Variants in RUNDC3B observed in about 807,000 individuals in gnomAD.
RUNDC3B encodes RUN domain containing 3B, also known as RUN domain-containing protein 3B.
In RUNDC3B, 33 loss-of-function variants were observed where a neutral mutation model predicts 58.4. The observed-to-expected ratio is 0.56, with a 90% CI of 0.43 to 0.75. The LOEUF (loss-of-function observed/expected upper bound fraction) is 0.75. Among genes scored for constraint, RUNDC3B ranks in the 30% least tolerant of loss-of-function variants. The pLI is 0.00. For missense variants in RUNDC3B, 501 were observed against 535.7 expected, an observed-to-expected ratio of 0.94 and a Z score of 0.64; for synonymous variants, 193 against 195.2, an observed-to-expected ratio of 0.99 and a Z score of 0.10.
At chr7:87,755,460 A>G (rs563742612) in intron 6 of RUNDC3B, among the ~76,000 whole-genome samples, 21 of 152,208 alleles carry the variant, frequency 1.4e-4, no homozygotes, top group Non-Finnish European at 2.9e-4. Flanking sequence ...TCAGGCCAGT[A>G]TCCTTGATGA....
At chr7:87,772,840 A>C (rs1160551273) in intron 7 of RUNDC3B, among the ~76,000 whole-genome samples, 1 of 152,148 alleles carries the variant, frequency 6.6e-6, no homozygotes, top group Non-Finnish European at 1.5e-5. Context: ...AAAAATAATT[A>C]TAAAATTTAG....
chr7:87,703,037 T>G (rs887377872), intron 3 of RUNDC3B, among the ~76,000 whole-genome samples: 8 of 152,286 alleles, frequency 5.3e-5, no homozygotes, highest in African/African-American at 1.9e-4. Flanking sequence ...CAGAGTAGCT[T>G]TATTATTTTG....
intron 2 of RUNDC3B, among the ~76,000 whole-genome samples, chr7:87,653,749 G>C (rs1323881162): frequency 6.6e-6 from 1 of 151,568 alleles, no homozygotes; most frequent in African/African-American, 2.4e-5. Flanking sequence ...TTTCTCCCAG[G>C]TAAGGTATTG....
intron 5 of RUNDC3B, among the ~76,000 whole-genome samples, chr7:87,741,120 G>T (rs189472298): frequency 3.3e-5 from 5 of 151,750 alleles, no homozygotes; most frequent in African/African-American, 9.7e-5. Flanking sequence ...CAGGAGAATC[G>T]CTGGAACCCG....
intron 2 of RUNDC3B, among the ~76,000 whole-genome samples, chr7:87,700,002 T>G (rs948354121): frequency 2.0e-5 from 3 of 149,762 alleles, no homozygotes; most frequent in South Asian, 2.1e-4. Flanking sequence ...GGTGGTGGGG[T>G]TTTTTTTTCT....
chr7:87,650,687 A>C lies in RUNDC3B; in HGVS notation c.123-135A>C, dbSNP rs760279334. Reference sequence around the variant, plus strand: ...TCCATTTACAGAGTAAATTTGAATAAATGGGGTTTTTCAGATGTTATACTC... The same window carrying C: ...TCCATTTACAGAGTAAATTTGAATACATGGGGTTTTTCAGATGTTATACTC... On this transcript the variant is annotated intron_variant, in intron 1 of 10. Coordinates refer to ENST00000394654, the MANE Select transcript of RUNDC3B (RefSeq NM_001134405.2). 18 of 624,566 alleles carry C rather than the reference A, an allele frequency of 2.9e-5. 1 individual carries two copies. The Middle Eastern group carries it at 3.4e-3, about 119-fold the overall frequency. 38.7% of individuals were successfully genotyped at this position (624,566 alleles called of 1,614,324 possible). A position where few individuals can be genotyped will look rare whatever the true frequency, so the allele number is the denominator to read the frequency against.
intron 2 of RUNDC3B, among the ~76,000 whole-genome samples, chr7:87,669,016 A>G (rs536884984): frequency 7.9e-5 from 12 of 151,962 alleles, no homozygotes; most frequent in African/African-American, 2.9e-4. Flanking sequence ...TTGAGTGTAG[A>G]TCCTGAATAT....
rs1468348829 is a variant in RUNDC3B at position 87,628,584 on chromosome 7, C to CGTGCGTGCGTGT, written c.-237_-236insCGTGCGTGTGTG. 2.1e-5 allele frequency: 6 copies of CGTGCGTGCGTGT among 290,668 alleles called. No individual in the cohort carries two copies. Among genetic ancestry groups the CGTGCGTGCGTGT allele is most frequent in the African/African-American group, 1.2e-4 (5 of 41,658 alleles). 18.0% of individuals were successfully genotyped at this position (290,668 alleles called of 1,614,324 possible). A position where few individuals can be genotyped will look rare whatever the true frequency, so the allele number is the denominator to read the frequency against. On this transcript the variant is annotated 5_prime_UTR_variant, in exon 1 of 11. Transcript: ENST00000394654. Reference sequence around the variant, plus strand: ...CGAGGGCGGAGGTGGTGCGTGCGTGCGTGTGTGTGTGTGTGTGTGTGTGTG... The same window carrying CGTGCGTGCGTGT: ...CGAGGGCGGAGGTGGTGCGTGCGTGCGTGCGTGCGTGTGTGTGTGTGTGTGTGTGTGTGTGTG...
intron 1 of RUNDC3B, among the ~76,000 whole-genome samples, chr7:87,641,714 T>A (rs1822474908): frequency 6.6e-6 from 1 of 152,194 alleles, no homozygotes; most frequent in Non-Finnish European, 1.5e-5. Flanking sequence ...GTTTTGAAAA[T>A]ATTTTATGAA....
intron 2 of RUNDC3B, among the ~76,000 whole-genome samples, chr7:87,689,406 T>C (rs550038613): frequency 1.3e-5 from 2 of 152,260 alleles, no homozygotes; most frequent in South Asian, 4.1e-4. Context: ...GTACTTGTAA[T>C]GAGCAAGTCA....
intron 2 of RUNDC3B, among the ~76,000 whole-genome samples, chr7:87,691,025 C>T (rs889235362): frequency 5.3e-5 from 8 of 151,604 alleles, no homozygotes; most frequent in African/African-American, 1.2e-4. Flanking sequence ...ATATCAATCA[C>T]GATAGTGATT....
rs1409328287 is a variant in RUNDC3B, at chr7:87,816,403, C to G, written c.1225+141C>G. ...AGCAGCCATTATGATTAAAAATGGT[C>G]TGCCTTTGTGTCTTTCTCGTGTGTG... is the stretch of plus-strand genomic sequence containing the variant. On this transcript the variant is annotated intron_variant, in intron 10 of 10. Transcript: ENST00000394654. The G allele has an allele frequency of 4.5e-5, 28 of 625,840 alleles. No individual in the cohort carries two copies. In the East Asian group the frequency reaches 4.6e-4, roughly 10 times the overall value. The allele number at this position is 625,840 out of a possible 1,614,324, so 38.8% of individuals were successfully genotyped here. A position where few individuals can be genotyped will look rare whatever the true frequency, so the allele number is the denominator to read the frequency against.
intron 1 of RUNDC3B, among the ~76,000 whole-genome samples, chr7:87,647,896 A>G (rs1182147626): frequency 1.3e-5 from 2 of 152,100 alleles, no homozygotes; most frequent in East Asian, 1.9e-4. Flanking sequence ...AGAAATGGAA[A>G]ATGATAGGCC....
chr7:87,756,955 G>C (rs1237470338), intron 6 of RUNDC3B, among the ~76,000 whole-genome samples: 1 of 151,962 alleles, frequency 6.6e-6, no homozygotes, highest in African/African-American at 2.4e-5. Context: ...ATTCTAACTG[G>C]ATGTCCTGTT....
intron 2 of RUNDC3B, among the ~76,000 whole-genome samples, chr7:87,662,218 G>T (rs1344289917): frequency 1.3e-5 from 2 of 152,038 alleles, no homozygotes; most frequent in Non-Finnish European, 2.9e-5. Flanking sequence ...TCACTTTGTT[G>T]ATTGTTTACT....
chr7:87,807,403 G>A lies in RUNDC3B; in HGVS notation c.987G>A (p.Ser329=), dbSNP rs183917871. Residue 329 remains serine, a synonymous_variant, in exon 9 of 11, where the codon TCG becomes TCA. Transcript: ENST00000394654. ...TGCTAAAGAATAATGATTTAAGATC[G>A]AGACAAGAGTTAACTGCCCATCTCA... ...LTVLKNNDLR[S]RQELTAHLTN... is the part of the protein sequence containing the mutation. 25 of 1,613,680 alleles carry A rather than the reference G, an allele frequency of 1.5e-5. No individual in the cohort carries two copies. In the East Asian group the frequency reaches 4.0e-4, roughly 26 times the overall value.
At chr7:87,804,050 T>A (rs1388540812) in intron 8 of RUNDC3B, among the ~76,000 whole-genome samples, 1 of 152,160 alleles carries the variant, frequency 6.6e-6, no homozygotes, top group Non-Finnish European at 1.5e-5. Flanking sequence ...AACATTAAAA[T>A]ATTTAAATAA....
intron 8 of RUNDC3B, among the ~76,000 whole-genome samples, chr7:87,806,884 A>AT (rs551492017): frequency 1.3e-3 from 200 of 152,034 alleles, no homozygotes; most frequent in African/African-American, 4.6e-3. Context: ...AATCTCATGG[A>AT]TTTTTTTATT....
intron 8 of RUNDC3B, 151 bp from the exon 9 acceptor site, chr7:87,807,222 G>T: frequency 1.6e-6 from 1 of 611,240 alleles, no homozygotes; most frequent in Middle Eastern, 3.9e-4. Context: ...AACAATCATT[G>T]TCCCAACCAT....
Sources: gnomAD v4.1 joint callset for allele counts (sites outside exome capture counted in the v4.1 genomes callset) on GRCh38, gnomAD v4.1.1 for gene constraint, MANE v1.5 for transcripts, NCBI Gene and HGNC (gene_info 2026-07-23, HGNC 2026-07-21) for gene names.